Variants in SRPK2 observed in about 807,000 individuals in gnomAD.
The protein encoded by SRPK2 is SFRS protein kinase 2.
Under a neutral mutation model 90.8 loss-of-function variants are expected in SRPK2, and 21 were observed. The observed-to-expected ratio is 0.23, with a 90% CI of 0.16 to 0.33. The LOEUF (loss-of-function observed/expected upper bound fraction) is 0.33, where lower values mean the gene tolerates loss of function less well. Among genes scored for constraint, SRPK2 ranks in the 10% least tolerant of loss-of-function variants. The pLI, the probability that SRPK2 is intolerant of heterozygous loss-of-function variation, is 1.00. For missense variants in SRPK2, 620 were observed against 869.0 expected (o/e 0.71, Z 3.60); for synonymous variants, 288 against 311.1 (o/e 0.93, Z 0.78).
intron 2 of SRPK2, among the ~76,000 whole-genome samples, chr7:105,289,695 CTTATCAT>C (rs894371936): frequency 6.6e-6 from 1 of 152,188 alleles, no homozygotes; most frequent in Non-Finnish European, 1.5e-5. Context: ...GTTTTGCTTT[CTTATCAT>C]TTGTGTTCAC....
At chr7:105,357,212 A>G (rs191349173) in intron 2 of SRPK2, among the ~76,000 whole-genome samples, 1 of 151,706 alleles carries the variant, frequency 6.6e-6, no homozygotes, top group East Asian at 1.9e-4. Context: ...AATTTTTTGT[A>G]TTTTGTTTAG....
intron 11 of SRPK2, among the ~76,000 whole-genome samples, chr7:105,139,918 G>A (rs1293414952): frequency 6.6e-6 from 1 of 151,040 alleles, no homozygotes; most frequent in East Asian, 1.9e-4. Flanking sequence ...GTGTCTGCAG[G>A]GGAACTGGTT....
chr7:105,321,163 T>C (rs1383808086), intron 2 of SRPK2, among the ~76,000 whole-genome samples: 2 of 152,128 alleles, frequency 1.3e-5, no homozygotes, highest in Admixed American at 1.3e-4. Flanking sequence ...GAATTCCAGA[T>C]AAACAGATAT....
intron 2 of SRPK2, among the ~76,000 whole-genome samples, chr7:105,263,710 G>A (rs1393183673): frequency 6.6e-6 from 1 of 151,888 alleles, no homozygotes; most frequent in Non-Finnish European, 1.5e-5. Context: ...AGTGACCCTA[G>A]GCTTGGCAAA....
intron 1 of SRPK2, among the ~76,000 whole-genome samples, chr7:105,395,511 CCT>C (rs1258090991): frequency 2.0e-5 from 3 of 151,732 alleles, no homozygotes; most frequent in African/African-American, 7.3e-5. Flanking sequence ...GGGCGAATCA[CCT>C]GAGGTCAGGA....
In SRPK2 at chr7:105,190,642, G is replaced by A. The variant is rs557944289; in HGVS notation, c.229+12986C>T. On this transcript the variant is annotated intron_variant, in intron 3 of 15. Coordinates refer to ENST00000393651, the MANE Select transcript of SRPK2 (RefSeq NM_182692.3). ...TGGGGGTCCCAAAGACCATCCTCAC[G>A]TTCAATAATGTGCCACACTGTTAGA... Among the ~76,000 whole-genome samples, 53 of 152,204 alleles carry A rather than the reference G, an allele frequency of 3.5e-4. No homozygotes were observed. The Middle Eastern group carries it at 0.01, about 29-fold the overall frequency.
intron 2 of SRPK2, among the ~76,000 whole-genome samples, chr7:105,344,656 T>G (rs1474038711): frequency 6.6e-6 from 1 of 151,488 alleles, no homozygotes; most frequent in Admixed American, 6.6e-5. Flanking sequence ...TGGCCAGCAA[T>G]CCACAGTTTG....
At chr7:105,349,812 C>A (rs1376944495) in intron 2 of SRPK2, among the ~76,000 whole-genome samples, 1 of 152,066 alleles carries the variant, frequency 6.6e-6, no homozygotes, top group Non-Finnish European at 1.5e-5. Context: ...GATCTCAGCT[C>A]ACCGCAACCT....
chr7:105,395,018 C>T (rs1822283174), intron 1 of SRPK2, among the ~76,000 whole-genome samples: 1 of 152,072 alleles, frequency 6.6e-6, no homozygotes, highest in African/African-American at 2.4e-5. Context: ...ACTAAAAATA[C>T]AAGAATTAGC....
At chr7:105,248,801 C>T (rs1802079257) in intron 2 of SRPK2, among the ~76,000 whole-genome samples, 3 of 151,596 alleles carry the variant, frequency 2.0e-5, no homozygotes, top group South Asian at 2.1e-4. Flanking sequence ...AAAAATTAGC[C>T]GGGTGTGGTG....
At chr7:105,243,092 C>A (rs528046386) in intron 2 of SRPK2, among the ~76,000 whole-genome samples, 2 of 152,134 alleles carry the variant, frequency 1.3e-5, no homozygotes. Context: ...GACTCCAACT[C>A]CTGGCCTCAA....
At chr7:105,250,659 A>G (rs1347905896) in intron 2 of SRPK2, among the ~76,000 whole-genome samples, 1 of 152,236 alleles carries the variant, frequency 6.6e-6, no homozygotes, top group East Asian at 1.9e-4. Context: ...CAGTAGATCT[A>G]CTTTAAAAAC....
intron 13 of SRPK2, among the ~76,000 whole-genome samples, chr7:105,131,680 G>A (rs185798865): frequency 6.6e-5 from 10 of 152,228 alleles, no homozygotes; most frequent in African/African-American, 2.2e-4. Context: ...ATTAGAGGAG[G>A]TAAAACACAG....
At chr7:105,294,086 T>C (rs1258678732) in intron 2 of SRPK2, among the ~76,000 whole-genome samples, 1 of 152,182 alleles carries the variant, frequency 6.6e-6, no homozygotes, top group Admixed American at 6.5e-5. Context: ...TGGGCATCTC[T>C]AGTCCATACC....
At chr7:105,240,855 A>G (rs1403371678) in intron 2 of SRPK2, among the ~76,000 whole-genome samples, 1 of 152,178 alleles carries the variant, frequency 6.6e-6, no homozygotes, top group Non-Finnish European at 1.5e-5. Flanking sequence ...GTACTGAAAT[A>G]CCTATCTGCT....
chr7:105,134,330 T>C (rs947661255), intron 11 of SRPK2, among the ~76,000 whole-genome samples: 14 of 152,278 alleles, frequency 9.2e-5, no homozygotes, highest in Admixed American at 3.3e-4. Context: ...TAAAAGTGTG[T>C]AGCACGTCCC....
intron 2 of SRPK2, among the ~76,000 whole-genome samples, chr7:105,387,436 A>G (rs1563321763): frequency 6.6e-6 from 1 of 152,154 alleles, no homozygotes; most frequent in Non-Finnish European, 1.5e-5. Flanking sequence ...TATGAATTCA[A>G]TATCCAATTT....
rs11337476 is a variant in SRPK2 at position 105,216,655 on chromosome 7, C to CA, written c.72-12871dup. Among the ~76,000 whole-genome samples the CA allele has an allele frequency of 5.9e-3, 768 of 130,678 alleles. 4 individuals are homozygous for CA. Among genetic ancestry groups the CA allele is most frequent in the East Asian group, 0.038 (157 of 4,180 alleles). 85.7% of individuals were successfully genotyped at this position (130,678 alleles called of 152,430 possible). ...GGGCAACAGAATGAGACCCTGTCTC[C>CA]AAAAAAAAAAAAAAAGAGAGAGAGA... is the stretch of plus-strand genomic sequence containing the variant. On this transcript the variant is annotated intron_variant, in intron 2 of 15. Transcript: ENST00000393651.
In SRPK2 at chr7:105,217,831, G is replaced by A. The variant is rs577563658; in HGVS notation, c.72-14046C>T. Among the ~76,000 whole-genome samples, 93 of 152,190 alleles carry A rather than the reference G, an allele frequency of 6.1e-4. 3 individuals carry two copies. Among genetic ancestry groups the A allele is most frequent in the African/African-American group, 4.1e-4 (17 of 41,446 alleles). On this transcript the variant is annotated intron_variant, in intron 2 of 15. Transcript: ENST00000393651. The stretch of plus-strand genomic sequence containing the variant: ...ATTAGAGCATAAAACAAGGCAGAAC[G>A]TAGCTTGATAACATTACTTCTTTAA...
Sources: gnomAD v4.1 joint callset for allele counts (sites outside exome capture counted in the v4.1 genomes callset) on GRCh38, gnomAD v4.1.1 for gene constraint, MANE v1.5 for transcripts, NCBI Gene and HGNC (gene_info 2026-07-23, HGNC 2026-07-21) for gene names.